Variants in KLHDC4 observed in about 807,000 individuals in gnomAD.
The protein encoded by KLHDC4 is kelch domain-containing protein 4.
KLHDC4 carries 90 observed loss-of-function variants against 62.4 expected under a neutral mutation model. That is an observed-to-expected ratio of 1.44 (90% confidence interval 1.22 to 1.72). The LOEUF (loss-of-function observed/expected upper bound fraction) is 1.72, where lower values mean the gene tolerates loss of function less well. Among genes scored for constraint, KLHDC4 ranks in the 40% most tolerant of loss-of-function variants. The pLI is 0.00. For missense variants in KLHDC4, 1,025 were observed against 699.7 expected (o/e 1.47, Z -5.25); for synonymous variants, 386 against 284.4 (o/e 1.36, Z -3.59).
chr16:87,741,195 C>G (rs1272192061), intron 5 of KLHDC4, among the ~76,000 whole-genome samples: 5 of 152,194 alleles, frequency 3.3e-5, no homozygotes, highest in Admixed American at 3.3e-4. Flanking sequence ...TAAAAAGTAT[C>G]CACTAGTCAT....
At chr16:87,715,848 G>A (rs552960117) in intron 7 of KLHDC4, among the ~76,000 whole-genome samples, 1 of 152,254 alleles carries the variant, frequency 6.6e-6, no homozygotes, top group South Asian at 2.1e-4. Flanking sequence ...CCACGCTACT[G>A]TGGTCGCAGG....
intron 7 of KLHDC4, among the ~76,000 whole-genome samples, chr16:87,718,321 C>A (rs1445512031): frequency 4.0e-5 from 3 of 74,374 alleles, no homozygotes; most frequent in African/African-American, 1.9e-4. Flanking sequence ...CTCCCTCCCC[C>A]TCCCTCTCCC....
chr16:87,759,469 G>A (rs1461058195), intron 2 of KLHDC4, among the ~76,000 whole-genome samples: 4 of 150,560 alleles, frequency 2.7e-5, no homozygotes, highest in Admixed American at 6.7e-5. Flanking sequence ...TAAATAGGCC[G>A]GGTACAGTGG....
At chr16:87,711,827 G>T (rs1390633477) in intron 8 of KLHDC4, among the ~76,000 whole-genome samples, 1 of 151,796 alleles carries the variant, frequency 6.6e-6, no homozygotes, top group Non-Finnish European at 1.5e-5. Context: ...TTCGCCCAGG[G>T]GGCTGAGTGG....
intron 9 of KLHDC4, chr16:87,710,869 G>A (rs767445483): frequency 1.7e-4 from 38 of 217,814 alleles, no homozygotes; most frequent in Non-Finnish European, 3.2e-4. Context: ...TGCTCACGTG[G>A]ACAGTAAAGA....
At chr16:87,710,781 G>T (rs1440095227) in intron 9 of KLHDC4, 1 of 157,462 alleles carries the variant, frequency 6.4e-6, no homozygotes, top group Non-Finnish European at 1.4e-5. Flanking sequence ...CAGAGACCCT[G>T]AGGCCAACTG....
At chr16:87,715,195 C>T (rs1385771435) in intron 7 of KLHDC4, among the ~76,000 whole-genome samples, 2 of 152,218 alleles carry the variant, frequency 1.3e-5, no homozygotes, top group Non-Finnish European at 2.9e-5. Flanking sequence ...CAGCAAAACG[C>T]TCACCCTGGG....
chr16:87,717,314 C>G (rs779530038), intron 7 of KLHDC4, among the ~76,000 whole-genome samples: 2 of 152,210 alleles, frequency 1.3e-5, no homozygotes, highest in African/African-American at 4.8e-5. Context: ...GCCGTCCCAT[C>G]TGGTAGAGCA....
At chr16:87,722,542 G>A (rs968222570) in intron 7 of KLHDC4, among the ~76,000 whole-genome samples, 2 of 152,202 alleles carry the variant, frequency 1.3e-5, no homozygotes, top group Admixed American at 1.3e-4. Flanking sequence ...TGTCAAGCAC[G>A]CCACTGTCCA....
chr16:87,758,397 C>T (rs1428867668), intron 2 of KLHDC4, among the ~76,000 whole-genome samples: 1 of 152,202 alleles, frequency 6.6e-6, no homozygotes, highest in African/African-American at 2.4e-5. Context: ...AGTTCTCACA[C>T]ATGCCACAGA....
At chr16:87,756,721 CAAAAA>C (rs35385743) in intron 2 of KLHDC4, among the ~76,000 whole-genome samples, 47 of 98,810 alleles carry the variant, frequency 4.8e-4, no homozygotes, top group African/African-American at 1.6e-3. Flanking sequence ...GTTGTATTAA[CAAAAA>C]AAAAAAAAAA....
intron 4 of KLHDC4, among the ~76,000 whole-genome samples, chr16:87,754,876 T>C (rs1390349079): frequency 6.6e-6 from 1 of 152,198 alleles, no homozygotes; most frequent in African/African-American, 2.4e-5. Flanking sequence ...TTCTCCTGTC[T>C]TCACCATCTA....
intron 4 of KLHDC4, among the ~76,000 whole-genome samples, chr16:87,752,089 CAAA>C (rs1173625123): frequency 3.1e-4 from 9 of 29,468 alleles, no homozygotes; most frequent in African/African-American, 1.2e-3. Flanking sequence ...GACTTTGTCT[CAAA>C]AAAAAAAAAA....
intron 5 of KLHDC4, among the ~76,000 whole-genome samples, chr16:87,738,384 T>C (rs2041710150): frequency 6.6e-6 from 1 of 151,788 alleles, no homozygotes; most frequent in South Asian, 2.1e-4. Flanking sequence ...CACACATCTA[T>C]ATCTTCATCC....
chr16:87,755,085 G>T, intron 4 of KLHDC4, 109 bp downstream of exon 4: 1 of 698,424 alleles, frequency 1.4e-6, no homozygotes, highest in Non-Finnish European at 2.5e-6. Context: ...GCGATCTACA[G>T]GGCCCAGCCC....
chr16:87,765,389 G>C (rs930586386), intron 1 of KLHDC4: 1 of 473,870 alleles, frequency 2.1e-6, no homozygotes, highest in South Asian at 1.5e-5. Context: ...CTTACTCCCA[G>C]ACCACACATC....
At position 87,739,552 on chromosome 16, in the gene KLHDC4, CTCATCCATCCACACACCAGCACG is replaced by C. The variant is rs1567761735; in HGVS notation, c.507-8931_507-8909del. On this transcript the variant is annotated intron_variant, in intron 5 of 11. Coordinates refer to ENST00000270583, the MANE Select transcript of KLHDC4 (RefSeq NM_017566.4). ...ATCTCATCCATCCACACACCAGCAC[CTCATCCATCCACACACCAGCACG>C]TCATCCATCCACACACCAGCACGTC... Among the ~76,000 whole-genome samples the C allele has an allele frequency of 2.2e-3, 319 of 145,274 alleles. 8 individuals are homozygous for C. The highest frequency in any genetic ancestry group is 7.3e-3 in the African/African-American group (277 of 37,886).
In KLHDC4 at chr16:87,762,220, G is replaced by C. The variant is rs766695123; in HGVS notation, c.100-180C>G. On this transcript the variant is annotated intron_variant, in intron 1 of 11. Transcript: ENST00000270583. Reference sequence around the variant, plus strand: ...ACACATTCGAAAGTAACCAGAGCTTGACCTCAAAGGCAGTCTGCTTAAAGG... The same window carrying C: ...ACACATTCGAAAGTAACCAGAGCTTCACCTCAAAGGCAGTCTGCTTAAAGG... The C allele has an allele frequency of 6.1e-6, 8 of 1,308,512 alleles. No homozygotes were observed. The African/African-American group carries it at 1.0e-4, about 17-fold the overall frequency. 81.1% of individuals were successfully genotyped at this position (1,308,512 alleles called of 1,614,324 possible).
At chr16:87,701,541 G>A in exon 1 of KLHDC4, 3 of 394,068 alleles carry the variant, frequency 7.6e-6, no homozygotes, top group Non-Finnish European at 1.6e-5. Flanking sequence ...CCACAGTGTG[G>A]GCGTGAGCTC....
Sources: allele counts gnomAD v4.1 joint callset (sites outside exome capture counted in the v4.1 genomes callset), GRCh38; gene constraint gnomAD v4.1.1; transcripts MANE v1.5; gene names NCBI Gene and HGNC (gene_info 2026-07-23, HGNC 2026-07-21).